ARRB1: variants seen among roughly 807,000 people sequenced by gnomAD.
ARRB1 encodes arrestin beta 1.
Under a neutral mutation model 56.8 loss-of-function variants are expected in ARRB1, and 21 were observed. That is an observed-to-expected ratio of 0.37 (90% CI 0.26 to 0.53). The LOEUF (loss-of-function observed/expected upper bound fraction) is 0.53, where lower values mean the gene tolerates loss of function less well. Among genes scored for constraint, ARRB1 ranks in the 20% least tolerant of loss-of-function variants. The pLI is 0.88. For synonymous variants in ARRB1, 210 were observed against 218.6 expected, an observed-to-expected ratio of 0.96 and a Z score of 0.35; for missense variants, 424 against 553.7, an observed-to-expected ratio of 0.77 and a Z score of 2.35.
intron 3 of ARRB1, 37 bp downstream of exon 3, chr11:75,287,278 C>T (rs778780698): frequency 4.5e-6 from 7 of 1,540,126 alleles, no homozygotes; most frequent in Non-Finnish European, 6.1e-6. Flanking sequence ...CCAGCCACAT[C>T]TTCCCCCAGC....
In ARRB1 at chr11:75,270,908, T is replaced by G. The variant is rs1416468402; in HGVS notation, c.1022+793A>C. 2.0e-5 allele frequency: 3 copies of G among 152,202 alleles called. 1 individual carries two copies. The highest frequency in any genetic ancestry group is 2.0e-4 in the Admixed American group (3 of 15,276). 9.4% of individuals were successfully genotyped at this position (152,202 alleles called of 1,614,324 possible). On this transcript the variant is annotated intron_variant, in intron 13 of 15. Transcript: ENST00000420843. ...AAGGCTGTCAGAGCTATTTGGCCTT[T>G]TTTTCCTTCTCTTTTTTTTTTCCTT...
At chr11:75,327,861 A>G (rs908592338) in intron 1 of ARRB1, among the ~76,000 whole-genome samples, 2 of 152,206 alleles carry the variant, frequency 1.3e-5, no homozygotes, top group African/African-American at 4.8e-5. Context: ...TGCTGGGATT[A>G]CAAGCATGAG....
chr11:75,282,976 T>G (rs948047235), intron 5 of ARRB1, among the ~76,000 whole-genome samples: 1 of 152,224 alleles, frequency 6.6e-6, no homozygotes, highest in Non-Finnish European at 1.5e-5. Flanking sequence ...GGAAACCCCT[T>G]GCAGTGATGC....
At chr11:75,286,540 C>T (rs1260787862) in intron 3 of ARRB1, among the ~76,000 whole-genome samples, 1 of 151,986 alleles carries the variant, frequency 6.6e-6, no homozygotes, top group Non-Finnish European at 1.5e-5. Flanking sequence ...GCTGGGATTA[C>T]AGGCGTGAGC....
Position 75,340,302 on chromosome 11 carries a change from G to T in ARRB1, c.20+11286C>A, listed in dbSNP as rs368122404. ...GGGACAATGCTCAGAGCCAACCCCAGAGGCCTGCACTGAGGAAGCATACAT... is the reference window on the plus strand; with the variant it reads ...GGGACAATGCTCAGAGCCAACCCCATAGGCCTGCACTGAGGAAGCATACAT... On this transcript the variant is annotated intron_variant, in intron 1 of 15. Coordinates refer to ENST00000420843, the MANE Select transcript of ARRB1 (RefSeq NM_004041.5). 1.2e-4 allele frequency among the ~76,000 whole-genome samples: 18 copies of T among 152,302 alleles called. No individual in the cohort carries two copies. In the South Asian group the frequency reaches 3.5e-3, roughly 30 times the overall value.
chr11:75,298,658 A>T (rs963315846), intron 1 of ARRB1, among the ~76,000 whole-genome samples: 1 of 152,242 alleles, frequency 6.6e-6, no homozygotes, highest in Non-Finnish European at 1.5e-5. Context: ...GAGAGTTAAC[A>T]TATGACCCAG....
chr11:75,350,861 G>C (rs890547394), intron 1 of ARRB1, among the ~76,000 whole-genome samples: 1 of 152,360 alleles, frequency 6.6e-6, no homozygotes, highest in East Asian at 1.9e-4. Flanking sequence ...TGAAGCGTGT[G>C]TGTCAGCGGG....
intron 1 of ARRB1, among the ~76,000 whole-genome samples, chr11:75,318,481 G>A: frequency 6.6e-6 from 1 of 152,304 alleles, no homozygotes; most frequent in African/African-American, 2.4e-5. Flanking sequence ...CCTGAGGTCA[G>A]GAGTTCGAGA....
In ARRB1 at chr11:75,335,366, C is replaced by T. The variant is rs113313443; in HGVS notation, c.20+16222G>A. On this transcript the variant is annotated intron_variant, in intron 1 of 15. Coordinates refer to ENST00000420843, the MANE Select transcript of ARRB1 (RefSeq NM_004041.5). ...TTGGGAGGCTGAGACGGGAGGATTG[C>T]TCGAGCCCAGGAGTTCAAGACCAGC... 3.3e-3 allele frequency among the ~76,000 whole-genome samples: 510 copies of T among 152,252 alleles called. 3 individuals are homozygous for T. Among genetic ancestry groups the T allele is most frequent in the African/African-American group, 0.012 (491 of 41,550 alleles).
intron 8 of ARRB1, among the ~76,000 whole-genome samples, chr11:75,277,864 C>T (rs1050426123): frequency 1.1e-4 from 16 of 152,302 alleles, no homozygotes; most frequent in African/African-American, 3.1e-4. Context: ...ATAACATTGA[C>T]GATGATGAAA....
intron 1 of ARRB1, among the ~76,000 whole-genome samples, chr11:75,304,551 TAAACAC>T (rs1392125616): frequency 1.3e-5 from 2 of 151,686 alleles, no homozygotes; most frequent in Non-Finnish European, 3.0e-5. Context: ...AGGTAGTTGT[TAAACAC>T]AGCCAGTACC....
At position 75,282,226 on chromosome 11, in the gene ARRB1, C is replaced by T; in HGVS notation, c.355-205G>A. 3 of 544,652 alleles carry T rather than the reference C, an allele frequency of 5.5e-6. No homozygotes were observed. The South Asian group carries it at 7.7e-5, about 14-fold the overall frequency. 33.7% of individuals were successfully genotyped at this position (544,652 alleles called of 1,614,324 possible). On this transcript the variant is annotated intron_variant, in intron 5 of 15. Coordinates refer to ENST00000420843, the MANE Select transcript of ARRB1 (RefSeq NM_004041.5). The stretch of plus-strand genomic sequence containing the variant: ...TCTTTATCTAAAGGGTTTGGCCCAG[C>T]CCAGTCCTCGCAGCAATGGTTTAAA...
At chr11:75,284,404 A>G in intron 3 of ARRB1, 125 bp from the exon 4 acceptor site, 1 of 979,386 alleles carries the variant, frequency 1.0e-6, no homozygotes, top group Non-Finnish European at 1.5e-6. Flanking sequence ...AGAAAAATGG[A>G]AAGGCGGGCA....
In ARRB1 at chr11:75,274,182, C is replaced by T; in HGVS notation, c.806G>A (p.Cys269Tyr). ...DDTVAPSSTFCKVYTLTPFLA... is the reference protein window; with the variant it reads ...DDTVAPSSTFYKVYTLTPFLA... Reference sequence around the variant, plus strand: ...GAAGGGGGTCAGTGTGTAGACCTTGCAGAACGTCGAGCTGGGTGCCACAGT... The same window carrying T: ...GAAGGGGGTCAGTGTGTAGACCTTGTAGAACGTCGAGCTGGGTGCCACAGT... The change falls in exon 11 of 16, where the codon TGC (cysteine) becomes TAC (tyrosine). Residue 269 changes from cysteine to tyrosine, a missense_variant. By Grantham distance (194) the Cys-to-Tyr change is radical (BLOSUM62 -2). This residue lies in a region of ARRB1 where 301 missense variants were observed against 387.9 expected (regional missense o/e 0.78). Coordinates refer to ENST00000420843, the MANE Select transcript of ARRB1 (RefSeq NM_004041.5). 6.2e-7 allele frequency: 1 copy of T among 1,614,118 alleles called. No homozygotes were observed. The highest frequency in any genetic ancestry group is 8.5e-7 in the Non-Finnish European group (1 of 1,180,006).
intron 13 of ARRB1, chr11:75,269,336 T>G: frequency 2.5e-6 from 1 of 395,350 alleles, no homozygotes; most frequent in Non-Finnish European, 4.9e-6. Context: ...CACCCTCGCC[T>G]CCCCTGACAC....
At chr11:75,313,418 T>A (rs985585431) in intron 1 of ARRB1, among the ~76,000 whole-genome samples, 2 of 152,132 alleles carry the variant, frequency 1.3e-5, no homozygotes, top group South Asian at 2.1e-4. Flanking sequence ...GCTCTTAAGG[T>A]TGGGGGCCCC....
intron 1 of ARRB1, among the ~76,000 whole-genome samples, chr11:75,351,158 G>A (rs562594571): frequency 1.3e-5 from 2 of 152,348 alleles, no homozygotes; most frequent in South Asian, 4.1e-4. Flanking sequence ...TGCCAACAAG[G>A]CTGTCAGCAA....
intron 12 of ARRB1, 74 bp downstream of exon 12, chr11:75,272,821 G>A (rs1010763195): frequency 4.8e-6 from 7 of 1,457,556 alleles, no homozygotes; most frequent in Non-Finnish European, 6.7e-6. Context: ...CAGGCAGAAT[G>A]GGGCAGGGGC....
chr11:75,296,804 A>G (rs1946760884), intron 1 of ARRB1, among the ~76,000 whole-genome samples: 1 of 152,028 alleles, frequency 6.6e-6, no homozygotes, highest in Non-Finnish European at 1.5e-5. Context: ...CAGCCTCCCA[A>G]GTAGCTGGGA....
Sources: gnomAD v4.1 joint callset for allele counts (sites outside exome capture counted in the v4.1 genomes callset) on GRCh38, gnomAD v4.1.1 for gene constraint, gnomAD v4.1.1 regional missense constraint, MANE v1.5 for transcripts, NCBI Gene and HGNC (gene_info 2026-07-23, HGNC 2026-07-21) for gene names.